The following SORCS2 variants were observed in gnomAD, a reference collection of about 807,000 sequenced individuals.
SORCS2 encodes the protein VPS10 domain-containing receptor SorCS2.
A neutral mutation model predicts 141.6 loss-of-function variants in SORCS2; 100 were observed. The ratio of observed to expected loss-of-function variants is 0.71; its 90% CI spans 0.60 to 0.83. The LOEUF (loss-of-function observed/expected upper bound fraction) is 0.83, where lower values mean the gene tolerates loss of function less well. Among genes scored for constraint, SORCS2 ranks in the 40% least tolerant of loss-of-function variants. The pLI, the probability that SORCS2 is intolerant of heterozygous loss-of-function variation, is 0.00. For missense variants in SORCS2, 1,646 were observed against 1,560.2 expected, an observed-to-expected ratio of 1.05 and a Z score of -0.93; for synonymous variants, 789 against 676.9, an observed-to-expected ratio of 1.17 and a Z score of -2.57.
At chr4:7,338,164 G>C (rs1198792895) in intron 1 of SORCS2, among the ~76,000 whole-genome samples, 2 of 149,794 alleles carry the variant, frequency 1.3e-5, no homozygotes, top group Non-Finnish European at 3.0e-5. Context: ...ATGTTGGTTG[G>C]ATGGATGGAT....
At chr4:7,403,998 T>TATATA (rs59841056) in intron 2 of SORCS2, among the ~76,000 whole-genome samples, 330 of 12,168 alleles carry the variant, frequency 0.027, 8 homozygotes, top group Non-Finnish European at 0.042. Context: ...TATATATATA[T>TATATA]TTTTTTTTTT....
At chr4:7,703,439 C>T (rs1194680697) in intron 13 of SORCS2, 68 bp downstream of exon 13, 2 of 1,294,496 alleles carry the variant, frequency 1.5e-6, no homozygotes, top group Non-Finnish European at 2.2e-6. Flanking sequence ...CCTGGGAACC[C>T]TCTCAGACTA....
At chr4:7,345,205 T>A (rs1410737190) in intron 1 of SORCS2, among the ~76,000 whole-genome samples, 1 of 152,230 alleles carries the variant, frequency 6.6e-6, no homozygotes, top group African/African-American at 2.4e-5. Context: ...CTGTGCTGTT[T>A]ACATCTTCTC....
intron 3 of SORCS2, among the ~76,000 whole-genome samples, chr4:7,602,514 G>A (rs1342843245): frequency 4.8e-5 from 7 of 146,816 alleles, no homozygotes; most frequent in African/African-American, 1.9e-4. Context: ...CATCTCAGAC[G>A]ATGGGCGGCC....
intron 1 of SORCS2, among the ~76,000 whole-genome samples, chr4:7,374,313 G>A (rs1052751157): frequency 5.3e-5 from 8 of 152,216 alleles, no homozygotes; most frequent in Admixed American, 2.0e-4. Flanking sequence ...AGTTGGCCCA[G>A]CAAGGCTTGT....
Position 7,740,308 on chromosome 4 carries a change from C to G in SORCS2, c.*44C>G, listed in dbSNP as rs748593610. 2 of 1,577,414 alleles carry G rather than the reference C, an allele frequency of 1.3e-6. No homozygotes were observed. Among genetic ancestry groups the G allele is most frequent in the South Asian group, 2.2e-5 (2 of 89,340 alleles). Reference sequence around the variant, plus strand: ...CTTTTCACCCACGGAGGGCACAGAACCACCAGCAAAGCCGGCGGCTGGACT... The same window carrying G: ...CTTTTCACCCACGGAGGGCACAGAAGCACCAGCAAAGCCGGCGGCTGGACT... On this transcript the variant is annotated 3_prime_UTR_variant, in exon 27 of 27. Coordinates refer to ENST00000507866, the MANE Select transcript of SORCS2 (RefSeq NM_020777.3).
intron 2 of SORCS2, among the ~76,000 whole-genome samples, chr4:7,405,812 A>G (rs1471415047): frequency 2.0e-5 from 3 of 152,054 alleles, no homozygotes; most frequent in South Asian, 4.1e-4. Context: ...CTCTTTTCCA[A>G]TTTGGATGCC....
At chr4:7,284,767 A>G (rs1399365514) in intron 1 of SORCS2, among the ~76,000 whole-genome samples, 1 of 152,182 alleles carries the variant, frequency 6.6e-6, no homozygotes, top group East Asian at 1.9e-4. Context: ...TTAAAACAGT[A>G]GAAATATTCT....
intron 3 of SORCS2, among the ~76,000 whole-genome samples, chr4:7,623,565 G>A (rs1049526483): frequency 1.3e-5 from 2 of 151,972 alleles, no homozygotes; most frequent in Non-Finnish European, 2.9e-5. Context: ...CCTGTTGCCC[G>A]ACCTGTGGCA....
intron 3 of SORCS2, among the ~76,000 whole-genome samples, chr4:7,547,680 C>G (rs1278014869): frequency 1.3e-5 from 2 of 152,200 alleles, no homozygotes; most frequent in African/African-American, 2.4e-5. Flanking sequence ...CAGATCAGCT[C>G]AGGACCCCAG....
At chr4:7,362,221 AGTC>A (rs1046867513) in intron 1 of SORCS2, among the ~76,000 whole-genome samples, 1 of 152,106 alleles carries the variant, frequency 6.6e-6, no homozygotes, top group African/African-American at 2.4e-5. Flanking sequence ...CATAGCCGCC[AGTC>A]GTCCTCTGAA....
chr4:7,195,171 G>GGTGT (rs59264911), intron 1 of SORCS2, among the ~76,000 whole-genome samples: 13 of 142,568 alleles, frequency 9.1e-5, no homozygotes, highest in South Asian at 2.4e-4. Context: ...ACTGCTGGCA[G>GGTGT]GTGTGTGTGT....
intron 10 of SORCS2, 147 bp downstream of exon 10, chr4:7,683,036 G>T: frequency 9.4e-7 from 1 of 1,067,154 alleles, no homozygotes; most frequent in Non-Finnish European, 1.3e-6. Flanking sequence ...TGGTAGAGAG[G>T]GTCAAATGAA....
intron 2 of SORCS2, chr4:7,432,636 G>T: frequency 6.6e-6 from 1 of 152,264 alleles, no homozygotes. Flanking sequence ...CAGGGCAGCG[G>T]AGGGTCTGGG....
At chr4:7,378,986 C>T (rs1360920463) in intron 1 of SORCS2, among the ~76,000 whole-genome samples, 1 of 152,156 alleles carries the variant, frequency 6.6e-6, no homozygotes, top group East Asian at 1.9e-4. Flanking sequence ...CCTAGATGCA[C>T]CTTCATTCTC....
At chr4:7,674,137 T>C (rs1438776485) in intron 8 of SORCS2, among the ~76,000 whole-genome samples, 1 of 151,784 alleles carries the variant, frequency 6.6e-6, no homozygotes, top group Non-Finnish European at 1.5e-5. Flanking sequence ...ACGGCCAGGC[T>C]CTGGCACCCT....
chr4:7,545,290 A>C (rs1234430721), intron 3 of SORCS2, among the ~76,000 whole-genome samples: 1 of 152,160 alleles, frequency 6.6e-6, no homozygotes, highest in Non-Finnish European at 1.5e-5. Context: ...CAGAGCCAAA[A>C]AATAAAATAG....
chr4:7,593,539 T>G (rs1276539668), intron 3 of SORCS2, among the ~76,000 whole-genome samples: 1 of 151,984 alleles, frequency 6.6e-6, no homozygotes, highest in Non-Finnish European at 1.5e-5. Context: ...GTCCCCACAC[T>G]CTCATGTTCC....
At chr4:7,638,152 G>A (rs1026977751) in intron 3 of SORCS2, among the ~76,000 whole-genome samples, 176 bp from the exon 4 acceptor site, 5 of 152,236 alleles carry the variant, frequency 3.3e-5, no homozygotes, top group African/African-American at 1.2e-4. Context: ...GCCATTTCTG[G>A]GCACTCCTCC....
Sources: gnomAD v4.1 joint callset for allele counts (sites outside exome capture counted in the v4.1 genomes callset) on GRCh38, gnomAD v4.1.1 for gene constraint, MANE v1.5 for transcripts, NCBI Gene and HGNC (gene_info 2026-07-23, HGNC 2026-07-21) for gene names.